The following EFCAB11 variants were observed in gnomAD, a reference collection of about 807,000 sequenced individuals.
The protein encoded by EFCAB11 is EF-hand calcium-binding domain-containing protein 11.
A neutral mutation model predicts 23.0 loss-of-function variants in EFCAB11; 14 were observed. That is an observed-to-expected ratio of 0.61 (90% confidence interval 0.40 to 0.95). EFCAB11 has a LOEUF of 0.95. Among genes scored for constraint, EFCAB11 ranks in the 40% least tolerant of loss-of-function variants. The pLI, the probability that EFCAB11 is intolerant of heterozygous loss-of-function variation, is 0.00. For missense variants in EFCAB11, 198 were observed against 195.8 expected (o/e 1.01, Z -0.07); for synonymous variants, 65 against 66.6 (o/e 0.98, Z 0.11).
chr14:89,878,142 T>C (rs1888496151), intron 5 of EFCAB11, among the ~76,000 whole-genome samples: 2 of 152,316 alleles, frequency 1.3e-5, no homozygotes, highest in African/African-American at 4.8e-5. Context: ...AAATTCTAGC[T>C]TGCAGGTGGG....
intron 5 of EFCAB11, among the ~76,000 whole-genome samples, chr14:89,905,544 C>T (rs1421937778): frequency 2.6e-5 from 4 of 152,164 alleles, no homozygotes; most frequent in African/African-American, 7.2e-5. Context: ...AGGACCCAGT[C>T]TCATGCTGAG....
chr14:89,844,351 T>C (rs1200692835), intron 5 of EFCAB11, among the ~76,000 whole-genome samples: 1 of 152,188 alleles, frequency 6.6e-6, no homozygotes, highest in East Asian at 1.9e-4. Context: ...CGACTACGGT[T>C]TTCACTACTG....
chr14:89,893,123 T>G (rs139046714), intron 5 of EFCAB11, among the ~76,000 whole-genome samples: 102 of 152,252 alleles, frequency 6.7e-4, no homozygotes, highest in African/African-American at 2.4e-3. Flanking sequence ...CCCTTTTTCT[T>G]GGCTGTGATG....
At chr14:89,854,715 C>T (rs1017882433) in intron 5 of EFCAB11, among the ~76,000 whole-genome samples, 1 of 152,272 alleles carries the variant, frequency 6.6e-6, no homozygotes, top group South Asian at 2.1e-4. Flanking sequence ...ACCTGCTCCT[C>T]CTCCCCTGTC....
intron 5 of EFCAB11, among the ~76,000 whole-genome samples, chr14:89,839,545 A>C (rs562030835): frequency 8.5e-5 from 13 of 152,236 alleles, no homozygotes; most frequent in Non-Finnish European, 5.9e-5. Context: ...TCATGATGGG[A>C]AGAATAAAAA....
chr14:89,853,369 T>C (rs1459352130), intron 5 of EFCAB11, among the ~76,000 whole-genome samples: 3 of 152,226 alleles, frequency 2.0e-5, no homozygotes, highest in Non-Finnish European at 4.4e-5. Context: ...AAATATATAT[T>C]GTTAGCATTT....
At chr14:89,804,175 C>T (rs949875151) in intron 5 of EFCAB11, among the ~76,000 whole-genome samples, 1 of 152,238 alleles carries the variant, frequency 6.6e-6, no homozygotes, top group Non-Finnish European at 1.5e-5. Context: ...CCCCCTACCC[C>T]CCAAACGTGG....
chr14:89,866,559 G>A (rs902367182), intron 5 of EFCAB11, among the ~76,000 whole-genome samples: 15 of 152,168 alleles, frequency 9.9e-5, no homozygotes, highest in African/African-American at 3.6e-4. Context: ...TCCTCCCCAT[G>A]GTCTTGCACA....
chr14:89,900,489 C>T (rs1164332109), intron 5 of EFCAB11, among the ~76,000 whole-genome samples: 1 of 152,150 alleles, frequency 6.6e-6, no homozygotes, highest in Non-Finnish European at 1.5e-5. Context: ...ACCACACATA[C>T]ATCTATAAGA....
In EFCAB11 at chr14:89,941,523, A is replaced by G. The variant is rs577887088; in HGVS notation, c.217+8574T>C. 2.6e-5 allele frequency among the ~76,000 whole-genome samples: 4 copies of G among 152,158 alleles called. No homozygotes were observed. In the East Asian group the frequency reaches 7.8e-4, roughly 30 times the overall value. ...CTAGCTACCGGTGCCACTCTGGGCAAATTATTTAATCTTGCTAGGCTTCTG... is the reference window on the plus strand; with the variant it reads ...CTAGCTACCGGTGCCACTCTGGGCAGATTATTTAATCTTGCTAGGCTTCTG... On this transcript the variant is annotated intron_variant, in intron 3 of 5. Coordinates refer to ENST00000316738, the MANE Select transcript of EFCAB11 (RefSeq NM_145231.4).
At chr14:89,908,432 C>T (rs573726295) in intron 5 of EFCAB11, among the ~76,000 whole-genome samples, 148 of 152,344 alleles carry the variant, frequency 9.7e-4, no homozygotes, top group African/African-American at 3.4e-3. Flanking sequence ...ACCAATATTA[C>T]ACCACGAGTG....
At chr14:89,868,908 G>A (rs1286980372) in intron 5 of EFCAB11, among the ~76,000 whole-genome samples, 2 of 152,036 alleles carry the variant, frequency 1.3e-5, no homozygotes, top group African/African-American at 4.8e-5. Flanking sequence ...GTGCACACTA[G>A]GTCTCATCCT....
chr14:89,916,136 T>C (rs1345748849), intron 5 of EFCAB11, among the ~76,000 whole-genome samples: 1 of 150,838 alleles, frequency 6.6e-6, no homozygotes, highest in Non-Finnish European at 1.5e-5. Context: ...CAATTTGTGT[T>C]TTCTAGGGAG....
At chr14:89,907,572 A>C (rs570034386) in intron 5 of EFCAB11, among the ~76,000 whole-genome samples, 1 of 152,216 alleles carries the variant, frequency 6.6e-6, no homozygotes, top group Non-Finnish European at 1.5e-5. Flanking sequence ...ATTTTTTACT[A>C]TGAAAATTTA....
intron 5 of EFCAB11, among the ~76,000 whole-genome samples, chr14:89,818,298 A>G (rs1383544647): frequency 6.6e-6 from 1 of 152,212 alleles, no homozygotes; most frequent in East Asian, 1.9e-4. Flanking sequence ...CAAAATAGCA[A>G]GTAAAGACAA....
chr14:89,946,733 C>CT (rs536677296), intron 3 of EFCAB11, among the ~76,000 whole-genome samples: 11,289 of 131,240 alleles, frequency 0.086, 1,438 homozygotes, highest in African/African-American at 0.28. Context: ...TCATGCCTGG[C>CT]TTTTTTTTTT....
At chr14:89,925,153 G>C (rs1304843646) in intron 5 of EFCAB11, among the ~76,000 whole-genome samples, 1 of 152,208 alleles carries the variant, frequency 6.6e-6, no homozygotes, top group Non-Finnish European at 1.5e-5. Context: ...GGTAAGAGTA[G>C]AGAAAGGCAC....
At position 89,939,442 on chromosome 14, in the gene EFCAB11, G is replaced by A. The variant is rs79660982; in HGVS notation, c.218-6815C>T. Among the ~76,000 whole-genome samples the A allele has an allele frequency of 3.9e-3, 589 of 152,298 alleles. 7 individuals are homozygous for A. Among genetic ancestry groups the A allele is most frequent in the African/African-American group, 0.014 (574 of 41,558 alleles). ...AAGATTTCAGGCACTGACGTGGACA[G>A]CACAGAAGAGGGTCTCTGAAGAACT... On this transcript the variant is annotated intron_variant, in intron 3 of 5. Transcript: ENST00000316738.
At chr14:89,859,022 A>G (rs1887840953) in intron 5 of EFCAB11, among the ~76,000 whole-genome samples, 1 of 152,186 alleles carries the variant, frequency 6.6e-6, no homozygotes, top group African/African-American at 2.4e-5. Context: ...TCACTTATTA[A>G]GAAACAATTT....
Sources: allele counts gnomAD v4.1 joint callset (sites outside exome capture counted in the v4.1 genomes callset), GRCh38; gene constraint gnomAD v4.1.1; transcripts MANE v1.5; gene names NCBI Gene and HGNC (gene_info 2026-07-23, HGNC 2026-07-21).